SLC44A5: variants seen among roughly 807,000 people sequenced by gnomAD.
SLC44A5 encodes solute carrier family 44 member 5, also known as choline transporter-like protein 5.
Under a neutral mutation model 101.8 loss-of-function variants are expected in SLC44A5, and 57 were observed. The ratio of observed to expected loss-of-function variants is 0.56; its 90% CI spans 0.45 to 0.70. The LOEUF (loss-of-function observed/expected upper bound fraction) is 0.70. Ranked by LOEUF, SLC44A5 falls within the 30% of genes least tolerant of loss-of-function variation. The pLI is 0.00. For synonymous variants in SLC44A5, 281 were observed against 290.9 expected, an observed-to-expected ratio of 0.97 and a Z score of 0.35; for missense variants, 737 against 853.1, an observed-to-expected ratio of 0.86 and a Z score of 1.70.
chr1:75,422,318 T>C (rs1301964470), intron 2 of SLC44A5, among the ~76,000 whole-genome samples: 1 of 152,196 alleles, frequency 6.6e-6, no homozygotes, highest in Non-Finnish European at 1.5e-5. Context: ...TGCAAGATCA[T>C]AGGAGGCCGG....
chr1:75,250,822 T>C (rs1649506574), intron 7 of SLC44A5, among the ~76,000 whole-genome samples: 1 of 152,114 alleles, frequency 6.6e-6, no homozygotes, highest in Non-Finnish European at 1.5e-5. Context: ...TTTACTGTTA[T>C]ATGGTCAAAA....
chr1:75,641,660 G>T, the SLC44A5 span: 2 of 1,489,632 alleles, frequency 1.3e-6, no homozygotes, highest in Admixed American at 3.3e-5. Flanking sequence ...AATAACTTCA[G>T]CTTGAAGAAT....
chr1:75,565,590 C>T (rs1242886296), intron 1 of SLC44A5, among the ~76,000 whole-genome samples: 1 of 152,152 alleles, frequency 6.6e-6, no homozygotes, highest in African/African-American at 2.4e-5. Context: ...CCATTTTTGC[C>T]ACACATATTT....
upstream of SLC44A5, among the ~76,000 whole-genome samples, chr1:75,611,599 T>C (rs1428069784): frequency 6.6e-6 from 1 of 152,220 alleles, no homozygotes; most frequent in Non-Finnish European, 1.5e-5. Flanking sequence ...CAGAACAACC[T>C]GACAGTGATT....
intron 1 of SLC44A5, among the ~76,000 whole-genome samples, chr1:75,562,113 A>G (rs889697479): frequency 6.6e-6 from 1 of 152,150 alleles, no homozygotes; most frequent in Non-Finnish European, 1.5e-5. Flanking sequence ...AAAAGTTAAA[A>G]AATAAATTTA....
chr1:75,498,850 C>A, intron 2 of SLC44A5, among the ~76,000 whole-genome samples: 1 of 152,158 alleles, frequency 6.6e-6, no homozygotes, highest in East Asian at 1.9e-4. Context: ...TATTGAAAGT[C>A]AAGTTTTTGC....
At chr1:75,558,492 A>G (rs950608464) in intron 1 of SLC44A5, among the ~76,000 whole-genome samples, 1 of 152,124 alleles carries the variant, frequency 6.6e-6, no homozygotes, top group East Asian at 1.9e-4. Flanking sequence ...CATAGCAAGT[A>G]CACACCGTTG....
intron 1 of SLC44A5, among the ~76,000 whole-genome samples, chr1:75,591,950 T>C (rs1674379768): frequency 6.6e-6 from 1 of 152,074 alleles, no homozygotes; most frequent in Non-Finnish European, 1.5e-5. Context: ...ACCAAAAGCC[T>C]TTCCTCTAAG....
chr1:75,385,832 C>T (rs11485279), intron 3 of SLC44A5, among the ~76,000 whole-genome samples: 37,505 of 151,014 alleles, frequency 0.25, 4,898 homozygotes, highest in African/African-American at 0.33. Context: ...AAAACGAATC[C>T]AGCAGCACAT....
intron 13 of SLC44A5, among the ~76,000 whole-genome samples, chr1:75,227,084 G>A (rs552446783): frequency 5.3e-5 from 8 of 152,060 alleles, no homozygotes; most frequent in Admixed American, 2.6e-4. Context: ...GGCTGGGCAC[G>A]GTGGCTCACG....
At chr1:75,715,787 T>C in the SLC44A5 span, among the ~76,000 whole-genome samples, 1 of 151,948 alleles carries the variant, frequency 6.6e-6, no homozygotes, top group Non-Finnish European at 1.5e-5. Flanking sequence ...AAAATGAAAA[T>C]TGACAAATAG....
chr1:75,498,038 A>G (rs997897567), intron 2 of SLC44A5, among the ~76,000 whole-genome samples: 1 of 152,184 alleles, frequency 6.6e-6, no homozygotes, highest in African/African-American at 2.4e-5. Flanking sequence ...GGTTTTCATC[A>G]TGTTGAGGAG....
chr1:75,428,622 A>G (rs1034080170), intron 2 of SLC44A5, among the ~76,000 whole-genome samples: 2 of 152,226 alleles, frequency 1.3e-5, no homozygotes, highest in Non-Finnish European at 2.9e-5. Context: ...TTAGCATAAT[A>G]AACTAAACCT....
intron 5 of SLC44A5, among the ~76,000 whole-genome samples, chr1:75,298,963 C>T (rs1654206120): frequency 6.6e-6 from 1 of 151,982 alleles, no homozygotes; most frequent in South Asian, 2.1e-4. Flanking sequence ...AGTAAGTAAC[C>T]CAAGACCATC....
chr1:75,256,270 C>G (rs539068784), intron 6 of SLC44A5, among the ~76,000 whole-genome samples: 1 of 152,208 alleles, frequency 6.6e-6, no homozygotes, highest in African/African-American at 2.4e-5. Flanking sequence ...AAAAGGACAG[C>G]AGCTCTGCAA....
At chr1:75,480,706 G>A (rs1249752465) in intron 2 of SLC44A5, among the ~76,000 whole-genome samples, 1 of 151,826 alleles carries the variant, frequency 6.6e-6, no homozygotes, top group African/African-American at 2.4e-5. Context: ...GGGATGTGAA[G>A]GACCTCTTCA....
rs561937737 is a variant in SLC44A5, at chr1:75,482,245, G to A, written c.13+59190C>T. 6.9e-5 allele frequency among the ~76,000 whole-genome samples: 10 copies of A among 144,966 alleles called. No individual in the cohort carries two copies. The East Asian group carries it at 1.5e-3, about 21-fold the overall frequency. On this transcript the variant is annotated intron_variant, in intron 2 of 23. Coordinates refer to ENST00000370859, the MANE Select transcript of SLC44A5 (RefSeq NM_001130058.2). ...TGAGAACACATGGACACAGGAAGGG[G>A]AACATCACACTCTAGGGACTGTTGT... is the stretch of plus-strand genomic sequence containing the variant.
chr1:75,616,457 C>A, the SLC44A5 span, among the ~76,000 whole-genome samples: 1 of 152,356 alleles, frequency 6.6e-6, no homozygotes, highest in Admixed American at 6.5e-5. Context: ...TCCTCTGGGC[C>A]TTCGAAGCCC....
chr1:75,235,270 C>T (rs150509012), intron 11 of SLC44A5, among the ~76,000 whole-genome samples: 1 of 151,814 alleles, frequency 6.6e-6, no homozygotes, highest in African/African-American at 2.4e-5. Flanking sequence ...CTATTTTAAG[C>T]GTATCAATAC....
Sources: allele counts gnomAD v4.1 joint callset (sites outside exome capture counted in the v4.1 genomes callset), GRCh38; gene constraint gnomAD v4.1.1; transcripts MANE v1.5; gene names NCBI Gene and HGNC (gene_info 2026-07-23, HGNC 2026-07-21).